Variants in KIAA1549L observed in about 807,000 individuals in gnomAD.
KIAA1549L encodes the protein KIAA1549 like.
Under a neutral mutation model 160.7 loss-of-function variants are expected in KIAA1549L, and 88 were observed. The observed-to-expected ratio is 0.55, with a 90% CI of 0.46 to 0.65. The LOEUF (loss-of-function observed/expected upper bound fraction) is 0.65. Ranked by LOEUF, KIAA1549L falls within the 30% of genes least tolerant of loss-of-function variation. The pLI is 0.00. For missense variants in KIAA1549L, 2,258 were observed against 2,437.5 expected, an observed-to-expected ratio of 0.93 and a Z score of 1.55; for synonymous variants, 950 against 976.7, an observed-to-expected ratio of 0.97 and a Z score of 0.51.
chr11:33,662,387 T>C (rs986533392), intron 20 of KIAA1549L, among the ~76,000 whole-genome samples: 1 of 152,164 alleles, frequency 6.6e-6, no homozygotes, highest in Non-Finnish European at 1.5e-5. Flanking sequence ...TTGGAGTAAA[T>C]AAGCTCTAAG....
chr11:33,422,537 C>T (rs1347745333), intron 1 of KIAA1549L, among the ~76,000 whole-genome samples: 1 of 103,064 alleles, frequency 9.7e-6, no homozygotes, highest in Non-Finnish European at 1.9e-5. Context: ...CCCCCTTTCC[C>T]CCCTCCCCCC....
chr11:33,433,910 G>A (rs1351326494), intron 1 of KIAA1549L, among the ~76,000 whole-genome samples: 2 of 152,116 alleles, frequency 1.3e-5, no homozygotes, highest in African/African-American at 2.4e-5. Flanking sequence ...GACATAGAGA[G>A]GGGAACAACA....
At chr11:33,380,291 A>G (rs1409950689) in intron 1 of KIAA1549L, among the ~76,000 whole-genome samples, 1 of 152,162 alleles carries the variant, frequency 6.6e-6, no homozygotes, top group Non-Finnish European at 1.5e-5. Context: ...TTAAATTTTC[A>G]GTCTCTACAC....
intron 1 of KIAA1549L, among the ~76,000 whole-genome samples, chr11:33,393,730 G>A (rs1850316243): frequency 6.6e-6 from 1 of 152,198 alleles, no homozygotes; most frequent in Non-Finnish European, 1.5e-5. Flanking sequence ...GTGTAAAGGT[G>A]GGATAAGTGT....
intron 1 of KIAA1549L, among the ~76,000 whole-genome samples, chr11:33,400,876 G>A (rs552344954): frequency 1.1e-4 from 17 of 152,244 alleles, no homozygotes; most frequent in African/African-American, 4.1e-4. Flanking sequence ...TTCACATTTT[G>A]CAAATGGGGA....
chr11:33,461,217 A>G (rs1851935702), intron 1 of KIAA1549L, among the ~76,000 whole-genome samples: 1 of 150,384 alleles, frequency 6.6e-6, no homozygotes, highest in Admixed American at 6.7e-5. Context: ...AAAGGAAAAA[A>G]TGATATTTAA....
chr11:33,405,671 G>T (rs1263083450), intron 1 of KIAA1549L, among the ~76,000 whole-genome samples: 2 of 151,486 alleles, frequency 1.3e-5, no homozygotes, highest in Non-Finnish European at 2.9e-5. Context: ...GTGAAACCCC[G>T]TCTCTACTAA....
At chr11:33,588,509 A>C (rs1849947469) in intron 11 of KIAA1549L, among the ~76,000 whole-genome samples, 1 of 152,182 alleles carries the variant, frequency 6.6e-6, no homozygotes, top group Non-Finnish European at 1.5e-5. Flanking sequence ...AAAGGAGCTA[A>C]ATTGGAAGCA....
intron 1 of KIAA1549L, among the ~76,000 whole-genome samples, chr11:33,427,828 G>A (rs542889883): frequency 2.2e-4 from 34 of 152,240 alleles, no homozygotes; most frequent in Admixed American, 9.1e-4. Context: ...TTGGCATTCC[G>A]TGTCTATGGA....
chr11:33,599,762 G>C (rs778388590), intron 13 of KIAA1549L, among the ~76,000 whole-genome samples: 13 of 152,162 alleles, frequency 8.5e-5, no homozygotes, highest in Admixed American at 2.0e-4. Context: ...CGTGTGTGAT[G>C]CTGGTTTACT....
chr11:33,430,969 G>A (rs889078124), intron 1 of KIAA1549L, among the ~76,000 whole-genome samples: 2 of 152,022 alleles, frequency 1.3e-5, no homozygotes, highest in East Asian at 1.9e-4. Context: ...TTAAGGTGGC[G>A]CGTCTGGAGT....
At chr11:33,435,772 A>G (rs1223046489) in intron 1 of KIAA1549L, among the ~76,000 whole-genome samples, 16 of 5,194 alleles carry the variant, frequency 3.1e-3, no homozygotes, top group African/African-American at 4.8e-3. Context: ...ATATATATAT[A>G]TATATATATA....
At chr11:33,445,756 G>GAAT (rs1481870307) in intron 1 of KIAA1549L, among the ~76,000 whole-genome samples, 4 of 152,176 alleles carry the variant, frequency 2.6e-5, no homozygotes, top group African/African-American at 9.7e-5. Flanking sequence ...TCATAGGACT[G>GAAT]AATAAGATAA....
At chr11:33,488,238 T>A (rs892097955) in intron 1 of KIAA1549L, among the ~76,000 whole-genome samples, 1 of 152,216 alleles carries the variant, frequency 6.6e-6, no homozygotes, top group South Asian at 2.1e-4. Context: ...ATAATGTTAA[T>A]GTCATAAGTA....
At position 33,556,254 on chromosome 11, in the gene KIAA1549L, T is replaced by C. The variant is rs867358592; in HGVS notation, c.3856-3495T>C. 1.1e-4 allele frequency among the ~76,000 whole-genome samples: 16 copies of C among 152,332 alleles called. 1 individual carries two copies. In the South Asian group the frequency reaches 2.7e-3, roughly 26 times the overall value. Reference sequence around the variant, plus strand: ...CCCCGTGGAAGGCAGCATGGTGGTTTCTTAAATAACTAAACATAGAATTAC... The same window carrying C: ...CCCCGTGGAAGGCAGCATGGTGGTTCCTTAAATAACTAAACATAGAATTAC... On this transcript the variant is annotated intron_variant, in intron 6 of 20. Coordinates refer to ENST00000658780, the MANE Select transcript of KIAA1549L (RefSeq NM_012194.3).
intron 1 of KIAA1549L, among the ~76,000 whole-genome samples, chr11:33,488,273 T>C (rs1852575810): frequency 6.6e-6 from 1 of 152,216 alleles, no homozygotes; most frequent in Non-Finnish European, 1.5e-5. Flanking sequence ...GCTTAGTCTA[T>C]GGATAATTCC....
rs192454541 is a variant in KIAA1549L, at chr11:33,482,607, G to A, written c.239-59195G>A. Among the ~76,000 whole-genome samples the A allele has an allele frequency of 7.0e-3, 965 of 138,588 alleles. 2 individuals carry two copies. The highest frequency in any genetic ancestry group is 0.011 in the Non-Finnish European group (751 of 66,174). The allele number at this position is 138,588 out of a possible 152,430, so 90.9% of individuals were successfully genotyped here. ...TTTTTTGAGACTGAGTCACTCTGTC[G>A]CCCAGGCTGGAGTGCGGTGGCATGA... On this transcript the variant is annotated intron_variant, in intron 1 of 20. Coordinates refer to ENST00000658780, the MANE Select transcript of KIAA1549L (RefSeq NM_012194.3).
Position 33,416,438 on chromosome 11 carries a change from C to T in KIAA1549L, c.238+39549C>T, listed in dbSNP as rs189091371. On this transcript the variant is annotated intron_variant, in intron 1 of 20. Coordinates refer to ENST00000658780, the MANE Select transcript of KIAA1549L (RefSeq NM_012194.3). ...CGGCTCTTCATATCTGCAGATCCAA[C>T]CAACTTGCAGCTCAAAAATGTTTGA... 2.9e-3 allele frequency among the ~76,000 whole-genome samples: 433 copies of T among 151,800 alleles called. 5 individuals carry two copies. Among genetic ancestry groups the T allele is most frequent in the Middle Eastern group, 3.4e-3 (1 of 294 alleles).
intron 16 of KIAA1549L, among the ~76,000 whole-genome samples, chr11:33,630,273 G>C (rs1433038333): frequency 6.6e-6 from 1 of 152,258 alleles, no homozygotes; most frequent in South Asian, 2.1e-4. Flanking sequence ...GCCTGCAGAG[G>C]CAGGCAGGCC....
Sources: allele counts gnomAD v4.1 joint callset (sites outside exome capture counted in the v4.1 genomes callset), GRCh38; gene constraint gnomAD v4.1.1; transcripts MANE v1.5; gene names NCBI Gene and HGNC (gene_info 2026-07-23, HGNC 2026-07-21).